Variants in KAZN observed in about 807,000 individuals in gnomAD.
KAZN encodes kazrin.
In KAZN, 40 loss-of-function variants were observed where a neutral mutation model predicts 87.4. That is an observed-to-expected ratio of 0.46 (90% CI 0.36 to 0.60). The LOEUF (loss-of-function observed/expected upper bound fraction) is 0.60, where lower values mean the gene tolerates loss of function less well. Ranked by LOEUF, KAZN falls within the 20% of genes least tolerant of loss-of-function variation. The pLI is 0.00. For synonymous variants in KAZN, 466 were observed against 458.3 expected (o/e 1.02, Z -0.22); for missense variants, 898 against 1,073.9 (o/e 0.84, Z 2.29).
intron 1 of KAZN, among the ~76,000 whole-genome samples, chr1:14,846,377 C>A (rs1648761073): frequency 6.6e-6 from 1 of 151,732 alleles, no homozygotes; most frequent in Non-Finnish European, 1.5e-5. Flanking sequence ...TCCTAGGCCA[C>A]AAGAGAGAAC....
intron 1 of KAZN, among the ~76,000 whole-genome samples, chr1:14,810,767 C>G (rs1646384473): frequency 6.6e-6 from 1 of 152,170 alleles, no homozygotes; most frequent in South Asian, 2.1e-4. Flanking sequence ...GGAGCGGCCT[C>G]CAGACCTCTG....
intron 1 of KAZN, among the ~76,000 whole-genome samples, chr1:14,058,523 CTG>C (rs1642667115): frequency 1.3e-5 from 2 of 152,182 alleles, no homozygotes; most frequent in South Asian, 4.1e-4. Flanking sequence ...TAAGTGCACA[CTG>C]TGTCCTGGGC....
chr1:13,997,043 A>G (rs1639555654), intron 1 of KAZN, among the ~76,000 whole-genome samples: 1 of 152,168 alleles, frequency 6.6e-6, no homozygotes, highest in South Asian at 2.1e-4. Context: ...CTCAAGTAAT[A>G]TCTCTGGGCT....
intron 1 of KAZN, among the ~76,000 whole-genome samples, chr1:14,815,567 G>A (rs1366689022): frequency 6.6e-6 from 1 of 152,194 alleles, no homozygotes; most frequent in Non-Finnish European, 1.5e-5. Context: ...ATCATTGCAT[G>A]TGGGGAGGAA....
At chr1:13,937,585 G>A (rs12031130) in intron 1 of KAZN, among the ~76,000 whole-genome samples, 2,497 of 152,208 alleles carry the variant, frequency 0.016, 64 homozygotes, top group African/African-American at 0.055. Flanking sequence ...GGACTTAGTC[G>A]TAAGTTCTTT....
chr1:14,039,496 CAT>C (rs1466371106), intron 1 of KAZN, among the ~76,000 whole-genome samples: 2 of 152,216 alleles, frequency 1.3e-5, no homozygotes, highest in Non-Finnish European at 2.9e-5. Flanking sequence ...AGATTGTCCA[CAT>C]GAGTCGGCAG....
chr1:14,271,507 G>A (rs186590611), intron 2 of KAZN, among the ~76,000 whole-genome samples: 8 of 152,266 alleles, frequency 5.3e-5, no homozygotes, highest in East Asian at 1.9e-4. Context: ...AAATCTAGCC[G>A]TCCAACCGGA....
At position 14,825,056 on chromosome 1, in the gene KAZN, G is replaced by T. The variant is rs116841593; in HGVS notation, c.227-135628G>T. On this transcript the variant is annotated intron_variant, in intron 1 of 14. Transcript: ENST00000376030. ...ACAGCGCATCCCCCTTGCTGAAGCC[G>T]GGGGTTCACCCACAGCCTTCTCTGA... 2.0e-5 allele frequency among the ~76,000 whole-genome samples: 3 copies of T among 152,348 alleles called. No individual in the cohort carries two copies. The East Asian group carries it at 5.8e-4, about 29-fold the overall frequency.
At chr1:14,143,632 A>G (rs1645286958) in intron 1 of KAZN, among the ~76,000 whole-genome samples, 1 of 152,118 alleles carries the variant, frequency 6.6e-6, no homozygotes, top group Non-Finnish European at 1.5e-5. Context: ...TTGAGTCACA[A>G]TTATACCTCT....
chr1:15,028,640 G>A (rs759537491), intron 2 of KAZN, among the ~76,000 whole-genome samples: 2 of 152,184 alleles, frequency 1.3e-5, no homozygotes, highest in African/African-American at 2.4e-5. Flanking sequence ...ACTGGATGTC[G>A]CCTCCTTGTG....
intron 2 of KAZN, among the ~76,000 whole-genome samples, chr1:14,208,585 C>T (rs900231172): frequency 1.3e-5 from 2 of 152,156 alleles, no homozygotes; most frequent in African/African-American, 4.8e-5. Flanking sequence ...TTTGTAATTA[C>T]AAATAGCAAT....
At chr1:14,314,681 T>C (rs1300212827) in intron 2 of KAZN, among the ~76,000 whole-genome samples, 1 of 152,144 alleles carries the variant, frequency 6.6e-6, no homozygotes, top group Non-Finnish European at 1.5e-5. Flanking sequence ...AAGATACAAT[T>C]TACCTACTGT....
At chr1:14,562,215 G>A (rs545023873) in intron 2 of KAZN, among the ~76,000 whole-genome samples, 1 of 152,312 alleles carries the variant, frequency 6.6e-6, no homozygotes, top group South Asian at 2.1e-4. Flanking sequence ...ATTTGGAAAA[G>A]GGTGAATTAG....
rs373800198 is a variant in KAZN at position 14,728,694 on chromosome 1, G to T, written c.226+129471G>T. Among the ~76,000 whole-genome samples, 7 of 152,268 alleles carry T rather than the reference G, an allele frequency of 4.6e-5. No individual in the cohort carries two copies. The East Asian group carries it at 1.4e-3, about 29-fold the overall frequency. ...GGAGCATTGCTTTTGCAGAGGCCTAGGATACACCCATGAGGACAGCAGCCT... is the reference window on the plus strand; with the variant it reads ...GGAGCATTGCTTTTGCAGAGGCCTATGATACACCCATGAGGACAGCAGCCT... On this transcript the variant is annotated intron_variant, in intron 1 of 14. Coordinates refer to ENST00000376030, the MANE Select transcript of KAZN (RefSeq NM_201628.3).
intron 1 of KAZN, among the ~76,000 whole-genome samples, chr1:14,743,082 C>T (rs1479310276): frequency 1.3e-5 from 2 of 152,050 alleles, no homozygotes; most frequent in African/African-American, 4.8e-5. Context: ...AGTGGTGCGT[C>T]GCAGGCATGA....
intron 2 of KAZN, among the ~76,000 whole-genome samples, chr1:14,326,557 C>T (rs1254926934): frequency 1.3e-5 from 2 of 152,138 alleles, no homozygotes; most frequent in African/African-American, 4.8e-5. Flanking sequence ...TGCTCAAAGC[C>T]CTCCAATGGT....
chr1:14,245,903 A>T (rs1283046318), intron 2 of KAZN, among the ~76,000 whole-genome samples: 1 of 152,240 alleles, frequency 6.6e-6, no homozygotes, highest in Non-Finnish European at 1.5e-5. Context: ...AGCACTATTC[A>T]CAATAGCAAA....
intron 2 of KAZN, among the ~76,000 whole-genome samples, chr1:14,326,950 T>C (rs1162441610): frequency 6.6e-6 from 1 of 152,124 alleles, no homozygotes; most frequent in Non-Finnish European, 1.5e-5. Flanking sequence ...TAGTACATAG[T>C]TATTGTTGAT....
rs146435837 is a variant in KAZN, at chr1:14,649,738, T to A, written c.226+50515T>A. Among the ~76,000 whole-genome samples the A allele has an allele frequency of 1.4e-3, 212 of 152,316 alleles. 3 individuals carry two copies. The highest frequency in any genetic ancestry group is 2.2e-4 in the Non-Finnish European group (15 of 68,026). On this transcript the variant is annotated intron_variant, in intron 1 of 14. Transcript: ENST00000376030. Reference sequence around the variant, plus strand: ...TTAGGGGAAAAAATGCAGCGTGAACTGTGATAAGCTGAGATGGAGAGAAAA... The same window carrying A: ...TTAGGGGAAAAAATGCAGCGTGAACAGTGATAAGCTGAGATGGAGAGAAAA...
Sources: gnomAD v4.1 joint callset for allele counts (sites outside exome capture counted in the v4.1 genomes callset) on GRCh38, gnomAD v4.1.1 for gene constraint, MANE v1.5 for transcripts, NCBI Gene and HGNC (gene_info 2026-07-23, HGNC 2026-07-21) for gene names.